The following ATE1 variants were observed in gnomAD, a reference collection of about 807,000 sequenced individuals.
ATE1 encodes the protein arginyltransferase 1.
A neutral mutation model predicts 70.5 loss-of-function variants in ATE1; 36 were observed. That is an observed-to-expected ratio of 0.51 (90% CI 0.39 to 0.67). The LOEUF (loss-of-function observed/expected upper bound fraction) is 0.67. Among genes scored for constraint, ATE1 ranks in the 30% least tolerant of loss-of-function variants. The probability of loss-of-function intolerance (pLI) is 0.00; values close to 1 mark genes in which losing one functional copy is unlikely to be tolerated. For synonymous variants in ATE1, 232 were observed against 219.3 expected (o/e 1.06, Z -0.51); for missense variants, 593 against 629.5 (o/e 0.94, Z 0.62).
chr10:121,782,234 A>C (rs750262714), intron 11 of ATE1, among the ~76,000 whole-genome samples: 6 of 152,248 alleles, frequency 3.9e-5, no homozygotes, highest in Non-Finnish European at 8.8e-5. Context: ...TCCAAAATAC[A>C]GCATCAAGTA....
At chr10:121,778,341 C>T (rs919573486) in intron 11 of ATE1, among the ~76,000 whole-genome samples, 7 of 152,128 alleles carry the variant, frequency 4.6e-5, no homozygotes, top group African/African-American at 1.7e-4. Context: ...GTATTTAATG[C>T]CCTAAGGATC....
chr10:121,785,478 CACAA>C (rs1344622988), intron 11 of ATE1, among the ~76,000 whole-genome samples: 2 of 152,000 alleles, frequency 1.3e-5, no homozygotes, highest in Admixed American at 1.3e-4. Context: ...CTGGTTCTTC[CACAA>C]ACAATCAAGG....
At chr10:121,832,135 A>G (rs1948263299) in intron 10 of ATE1, among the ~76,000 whole-genome samples, 1 of 152,198 alleles carries the variant, frequency 6.6e-6, no homozygotes, top group African/African-American at 2.4e-5. Context: ...TGGTGCTAGC[A>G]TAGAAAGGAT....
rs1951428198 is a variant in ATE1 at position 121,911,467 on chromosome 10, CTG to C, written c.338-318_338-317del. On this transcript the variant is annotated intron_variant, in intron 4 of 11. Coordinates refer to ENST00000224652, the MANE Select transcript of ATE1 (RefSeq NM_001001976.3). ...TAAAAAAAAAAAAAAAAAACAAAAA[CTG>C]TGGCGCCCTAGCAGGGCAATGTACT... Among the ~76,000 whole-genome samples, 4 of 142,830 alleles carry C rather than the reference CTG, an allele frequency of 2.8e-5. No homozygotes were observed. The South Asian group carries it at 9.1e-4, about 32-fold the overall frequency. The allele number at this position is 142,830 out of a possible 152,430, so 93.7% of individuals were successfully genotyped here.
At position 121,741,340 on chromosome 10, in the gene ATE1, T is replaced by A. The variant is rs2135617202; in HGVS notation, c.*2340A>T. ...TACACTAGCTATTCTCAAACCAACA[T>A]AATGCATGAATACAGCAGCCAAGTA... On this transcript the variant is annotated 3_prime_UTR_variant, in exon 12 of 12. Coordinates refer to ENST00000224652, the MANE Select transcript of ATE1 (RefSeq NM_001001976.3). The A allele has an allele frequency of 6.6e-6, 1 of 152,278 alleles. No individual in the cohort carries two copies. The allele number at this position is 152,278 out of a possible 1,614,324, so 9.4% of individuals were successfully genotyped here.
chr10:121,809,901 AC>A (rs1209677973), intron 10 of ATE1, among the ~76,000 whole-genome samples: 2 of 151,760 alleles, frequency 1.3e-5, no homozygotes, highest in East Asian at 3.9e-4. Context: ...ACAAAACAAA[AC>A]AAAAAAAAAA....
chr10:121,824,890 G>A (rs1292079868), intron 10 of ATE1, among the ~76,000 whole-genome samples: 1 of 151,012 alleles, frequency 6.6e-6, no homozygotes, highest in Non-Finnish European at 1.5e-5. Context: ...TAAAAAGAGA[G>A]AACTAAGCTT....
At chr10:121,917,569 A>C (rs947643166) in intron 3 of ATE1, among the ~76,000 whole-genome samples, 5 of 152,196 alleles carry the variant, frequency 3.3e-5, no homozygotes, top group African/African-American at 1.2e-4. Context: ...GCAGGGAAAC[A>C]GGGATAAGAG....
At chr10:121,887,054 T>C (rs1266260810) in intron 7 of ATE1, among the ~76,000 whole-genome samples, 1 of 152,236 alleles carries the variant, frequency 6.6e-6, no homozygotes, top group African/African-American at 2.4e-5. Context: ...ATTATCCTTT[T>C]AATGCCTCAA....
At chr10:121,876,721 C>G (rs989513687) in intron 7 of ATE1, among the ~76,000 whole-genome samples, 4 of 152,072 alleles carry the variant, frequency 2.6e-5, no homozygotes, top group Admixed American at 2.0e-4. Context: ...AATCCCAGCA[C>G]TTTGGGAGGC....
At chr10:121,870,098 C>A in intron 7 of ATE1, 60 bp from the exon 8 acceptor site, 1 of 1,500,138 alleles carries the variant, frequency 6.7e-7, no homozygotes, top group South Asian at 1.2e-5. Context: ...AAAAGGAACA[C>A]AGAGAAAAAG....
At chr10:121,802,431 C>G (rs1461751790) in intron 10 of ATE1, among the ~76,000 whole-genome samples, 1 of 152,008 alleles carries the variant, frequency 6.6e-6, no homozygotes, top group Non-Finnish European at 1.5e-5. Context: ...GCCTCAGCCT[C>G]CCGAGTTGCT....
rs766867330 is a variant in ATE1, at chr10:121,899,928, C to A, written c.880G>T (p.Val294Phe). ...FKATLLESYQ[V>F]YKRYQMVIHK... ...ATAACCATCTGGTAACGTTTATAGA[C>A]CTGGTAAGACTCCAGAAGTGTGGCT... Residue 294 changes from valine (V) to phenylalanine (F), a missense_variant, in exon 7 of 12, where the codon GTC becomes TTC. Transcript: ENST00000224652. 3.7e-6 allele frequency: 6 copies of A among 1,613,946 alleles called. No individual in the cohort carries two copies. In the South Asian group the frequency reaches 6.6e-5, roughly 18 times the overall value.
intron 10 of ATE1, among the ~76,000 whole-genome samples, chr10:121,795,118 C>G (rs1390967933): frequency 6.6e-6 from 1 of 152,064 alleles, no homozygotes; most frequent in Non-Finnish European, 1.5e-5. Flanking sequence ...CATGGTGATA[C>G]GTGCCTATAA....
chr10:121,795,170 C>A (rs1946613239), intron 10 of ATE1, among the ~76,000 whole-genome samples: 1 of 152,122 alleles, frequency 6.6e-6, no homozygotes, highest in Non-Finnish European at 1.5e-5. Context: ...ATCGCTTGAG[C>A]CCCGGAAGCA....
chr10:121,844,241 T>C (rs1467504186), intron 8 of ATE1, among the ~76,000 whole-genome samples: 2 of 152,236 alleles, frequency 1.3e-5, no homozygotes, highest in African/African-American at 2.4e-5. Flanking sequence ...CTTCAGCCTA[T>C]GCAAGACCCT....
chr10:121,868,799 C>A (rs1263086908), intron 8 of ATE1, among the ~76,000 whole-genome samples: 1 of 152,196 alleles, frequency 6.6e-6, no homozygotes, highest in African/African-American at 2.4e-5. Context: ...ATGGGACTAC[C>A]CTCTCTGGTC....
At chr10:121,870,174 A>G (rs940940949) in intron 7 of ATE1, 136 bp from the exon 8 acceptor site, 2 of 772,782 alleles carry the variant, frequency 2.6e-6, no homozygotes, top group African/African-American at 3.5e-5. Flanking sequence ...TAGAAAATTA[A>G]TGTGTCCATA....
At chr10:121,773,628 C>CT (rs57993740) in intron 11 of ATE1, among the ~76,000 whole-genome samples, 62 of 151,508 alleles carry the variant, frequency 4.1e-4, no homozygotes, top group African/African-American at 1.3e-3. Context: ...CATCCAGGGA[C>CT]TTTTTTTTTA....
Sources: allele counts gnomAD v4.1 joint callset (sites outside exome capture counted in the v4.1 genomes callset), GRCh38; gene constraint gnomAD v4.1.1; transcripts MANE v1.5; gene names NCBI Gene and HGNC (gene_info 2026-07-23, HGNC 2026-07-21).